Variants in THBS3 observed in about 807,000 individuals in gnomAD.
THBS3 encodes the protein thrombospondin-3.
Under a neutral mutation model 118.3 loss-of-function variants are expected in THBS3, and 78 were observed. The observed-to-expected ratio is 0.66, with a 90% CI of 0.55 to 0.80. The LOEUF (loss-of-function observed/expected upper bound fraction) is 0.80. THBS3 is among the 30% of genes least tolerant of loss of function. THBS3 has a pLI of 0.00. For missense variants in THBS3, 1,057 were observed against 1,247.4 expected (o/e 0.85, Z 2.30); for synonymous variants, 427 against 475.3 (o/e 0.90, Z 1.32).
At position 155,195,610 on chromosome 1, in the gene THBS3, T is replaced by C. The variant is rs191195891; in HGVS notation, c.*231A>G. ...GGCTTAGAAAACAACCAAAACTTTA[T>C]GGCAATGTGCTGTCATCTTTCCTGG... On this transcript the variant is annotated 3_prime_UTR_variant, in exon 23 of 23. Transcript: ENST00000368378. The C allele has an allele frequency of 1.1e-3, 541 of 505,868 alleles. 2 individuals are homozygous for C. The highest frequency in any genetic ancestry group is 4.1e-3 in the Admixed American group (121 of 29,736). 31.3% of individuals were successfully genotyped at this position (505,868 alleles called of 1,614,324 possible). A position where few individuals can be genotyped will look rare whatever the true frequency, so the allele number is the denominator to read the frequency against.
rs778776299 is a variant in THBS3 at position 155,195,981 on chromosome 1, C to T, written c.2812+6G>A. ...GGATTAGGTTGATCTCAATCAGCCA[C>T]CTCACCATTGCATCGATACTGGAGA... On this transcript the variant is annotated splice_donor_region_variant and intron_variant, in intron 22 of 22. Coordinates refer to ENST00000368378, the MANE Select transcript of THBS3 (RefSeq NM_007112.5). The T allele has an allele frequency of 6.2e-7, 1 of 1,614,204 alleles. No homozygotes were observed.
In THBS3 at chr1:155,202,390, A is replaced by G. The variant is rs1452135193; in HGVS notation, c.969T>C (p.Ala323=). The G allele has an allele frequency of 6.2e-7, 1 of 1,613,872 alleles. No homozygotes were observed. Among genetic ancestry groups the G allele is most frequent in the Admixed American group, 1.7e-5 (1 of 59,996 alleles). Reference sequence around the variant, plus strand: ...AGCTGGAGCCCGGGAAACAGGGGTCAGCGTGAGCACACTGGGGACCAGATG... The same window carrying G: ...AGCTGGAGCCCGGGAAACAGGGGTCGGCGTGAGCACACTGGGGACCAGATG... ...HCSDINECAH[A]DPCFPGSSCI... is the part of the protein sequence containing the mutation. Residue 323 remains alanine (A), a synonymous_variant, in exon 9 of 23, where the codon GCT becomes GCC. Transcript: ENST00000368378. The surrounding 1 kb of genome is among the most constrained non-coding windows in gnomAD (Gnocchi z 5.5).
At chr1:155,199,318 A>G (rs1420396726) in intron 16 of THBS3, among the ~76,000 whole-genome samples, 3 of 151,420 alleles carry the variant, frequency 2.0e-5, no homozygotes, top group Non-Finnish European at 4.4e-5. Context: ...GCTGAGGCAG[A>G]AGAATGGCGT....
At position 155,200,140 on chromosome 1, in the gene THBS3, G is replaced by C. The variant is rs372213580; in HGVS notation, c.1709-27C>G. 4.0e-6 allele frequency: 6 copies of C among 1,510,152 alleles called. No homozygotes were observed. The African/African-American group carries it at 8.4e-5, about 21-fold the overall frequency. The allele number at this position is 1,510,152 out of a possible 1,614,324, so 93.5% of individuals were successfully genotyped here. ...TAGAAGACATGGGTAGCACAAGGTT[G>C]TTACTAGAACATGCCATATTCTCTC... On this transcript the variant is annotated intron_variant, in intron 14 of 22. Transcript: ENST00000368378.
chr1:155,203,681 A>G, intron 4 of THBS3, 142 bp from the exon 5 acceptor site: 2 of 1,052,130 alleles, frequency 1.9e-6, no homozygotes, highest in Non-Finnish European at 2.9e-6. Flanking sequence ...CTGGGAGGGC[A>G]GAGCTGGCAG....
upstream of THBS3, chr1:155,208,102 TCTCC>T (rs1670823580): frequency 5.2e-6 from 3 of 574,336 alleles, no homozygotes; most frequent in Non-Finnish European, 9.3e-6. Context: ...GCTTTCTACC[TCTCC>T]CTAATGATCC....
intron 11 of THBS3, 72 bp downstream of exon 11, chr1:155,201,345 C>G: frequency 6.4e-7 from 1 of 1,568,392 alleles, no homozygotes; most frequent in Non-Finnish European, 8.6e-7. Context: ...ACCCCCAACC[C>G]AGGCCCTAAA....
upstream of THBS3, chr1:155,209,084 G>A: frequency 6.5e-7 from 1 of 1,541,588 alleles, no homozygotes; most frequent in Non-Finnish European, 8.7e-7. Context: ...CCGCGGCCCA[G>A]TCCCCCGCAG....
In THBS3 at chr1:155,197,149, G is replaced by T. The variant is rs995109734; in HGVS notation, c.2564C>A (p.Thr855Asn). ...LRNALWHTGH[T>N]PDQVRLLWTD... Reference sequence around the variant, plus strand: ...CCACAGCAGTCGTACCTGATCAGGGGTGTGGCCAGTATGCCACAGGGCATT... The same window carrying T: ...CCACAGCAGTCGTACCTGATCAGGGTTGTGGCCAGTATGCCACAGGGCATT... The change falls in exon 21 of 23, where the codon ACC becomes AAC. Residue 855 changes from threonine (T) to asparagine (N), a missense_variant. Thr to Asn is a moderately conservative substitution (Grantham distance 65, BLOSUM62 0). This residue lies in a region of THBS3 where 307 missense variants were observed against 326.1 expected (regional missense o/e 0.94). Transcript: ENST00000368378. This position sits in a 1 kb window ranked among gnomAD's most constrained non-coding sequence, Gnocchi z 5.0. 2.5e-6 allele frequency: 4 copies of T among 1,614,092 alleles called. No homozygotes were observed. The highest frequency in any genetic ancestry group is 2.2e-5 in the East Asian group (1 of 44,902).
At chr1:155,196,784 T>C (rs183737263) in intron 21 of THBS3, 4 of 501,366 alleles carry the variant, frequency 8.0e-6, no homozygotes, top group Non-Finnish European at 1.4e-5. Context: ...CCTTCACAGA[T>C]TGGCCTGGGT....
intron 10 of THBS3, 21 bp downstream of exon 10, chr1:155,201,936 C>T: frequency 6.2e-7 from 1 of 1,613,814 alleles, no homozygotes. Flanking sequence ...CCCCAGAATA[C>T]ACTCAGGATA....
chr1:155,199,618 G>A (rs868607601), intron 16 of THBS3, among the ~76,000 whole-genome samples, 186 bp downstream of exon 16: 2 of 151,972 alleles, frequency 1.3e-5, no homozygotes, highest in East Asian at 3.9e-4. Context: ...GCTGGGCTTG[G>A]TAGCACATGC....
Position 155,203,378 on chromosome 1 carries a change from G to A in THBS3, c.674-73C>T, listed in dbSNP as rs1009059290. The A allele has an allele frequency of 1.9e-6, 3 of 1,591,332 alleles. No homozygotes were observed. In the African/African-American group the frequency reaches 4.0e-5, roughly 21 times the overall value. ...TGGGCCCTCCATGGGCAATAAGCCA[G>A]TACCTGCCACGGCTGCCCACCCCTG... On this transcript the variant is annotated intron_variant, in intron 5 of 22. Transcript: ENST00000368378.
chr1:155,205,289 C>A lies in THBS3; in HGVS notation c.314G>T (p.Gly105Val), dbSNP rs1386951401. ...CTGTAGGTTCACGGCGTGGACTTTG[C>A]CATCCTCCCGCTGGTATCGCACCAG... is the stretch of plus-strand genomic sequence containing the variant. ...KVLVRYQRED[G>V]KVHAVNLQQA... The change falls in exon 3 of 23, where the codon GGC becomes GTC. Residue 105 changes from glycine to valine, a missense_variant. By Grantham distance (109) the Gly-to-Val change is moderately radical (BLOSUM62 -3). Coordinates refer to ENST00000368378, the MANE Select transcript of THBS3 (RefSeq NM_007112.5). 6.2e-7 allele frequency: 1 copy of A among 1,614,026 alleles called. No homozygotes were observed. Among genetic ancestry groups the A allele is most frequent in the Admixed American group, 1.7e-5 (1 of 60,024 alleles).
Position 155,201,088 on chromosome 1 carries a change from C to A in THBS3, c.1440+6G>T. ...CTACGCCCCCTTGCCCGCCTGCTCC[C>A]TGCACCTGTTTGCAGTGTTTGTTGT... is the stretch of plus-strand genomic sequence containing the variant. On this transcript the variant is annotated splice_donor_region_variant and intron_variant, in intron 12 of 22. Coordinates refer to ENST00000368378, the MANE Select transcript of THBS3 (RefSeq NM_007112.5). 1 of 1,614,232 alleles carries A rather than the reference C, an allele frequency of 6.2e-7. No individual in the cohort carries two copies.
intron 10 of THBS3, 70 bp from the exon 11 acceptor site, chr1:155,201,639 C>T: frequency 6.5e-7 from 1 of 1,532,036 alleles, no homozygotes; most frequent in Non-Finnish European, 8.9e-7. Flanking sequence ...AGCACTGCTC[C>T]ACCTGCGGAG....
chr1:155,208,138 C>G (rs1670827095), upstream of THBS3, among the ~76,000 whole-genome samples: 2 of 152,140 alleles, frequency 1.3e-5, no homozygotes, highest in Non-Finnish European at 2.9e-5. Context: ...CCTCCCTCTC[C>G]GCAGTCATCA....
intron 16 of THBS3, 23 bp from the exon 17 acceptor site, chr1:155,198,625 A>G (rs1166075689): frequency 6.2e-7 from 1 of 1,609,736 alleles, no homozygotes; most frequent in Admixed American, 1.7e-5. Context: ...ACAGGTACCA[A>G]ATAAAGGATT....
rs1482139699 is a variant in THBS3, at chr1:155,206,566, A to G, written c.80-160T>C. ...ATGGTGGCTCGCACCTGTAATCCCAACACCTTGGGAGGTTGAGGCAGGTGG... is the reference window on the plus strand; with the variant it reads ...ATGGTGGCTCGCACCTGTAATCCCAGCACCTTGGGAGGTTGAGGCAGGTGG... On this transcript the variant is annotated intron_variant, in intron 1 of 22. Coordinates refer to ENST00000368378, the MANE Select transcript of THBS3 (RefSeq NM_007112.5). This position sits in a 1 kb window ranked among gnomAD's most constrained non-coding sequence, Gnocchi z 4.2. 6.6e-6 allele frequency among the ~76,000 whole-genome samples: 1 copy of G among 151,932 alleles called. No homozygotes were observed. Among genetic ancestry groups the G allele is most frequent in the Non-Finnish European group, 1.5e-5 (1 of 67,960 alleles).
Sources: allele counts gnomAD v4.1 joint callset (sites outside exome capture counted in the v4.1 genomes callset), GRCh38; gene constraint gnomAD v4.1.1; regional missense constraint gnomAD v4.1.1; non-coding constraint Gnocchi (gnomAD v3.1); transcripts MANE v1.5; gene names NCBI Gene and HGNC (gene_info 2026-07-23, HGNC 2026-07-21).